Variants in MTA3 observed in about 807,000 individuals in gnomAD.
The protein encoded by MTA3 is metastasis associated 1 family member 3.
In MTA3, 34 loss-of-function variants were observed where a neutral mutation model predicts 83.5. That is an observed-to-expected ratio of 0.41 (90% CI 0.31 to 0.54). MTA3 has a LOEUF of 0.54. Ranked by LOEUF, MTA3 falls within the 20% of genes least tolerant of loss-of-function variation. The pLI is 0.33. For synonymous variants in MTA3, 303 were observed against 252.7 expected (o/e 1.20, Z -1.89); for missense variants, 761 against 726.4 (o/e 1.05, Z -0.55).
At chr2:42,519,962 C>T (rs985069406) in intron 2 of MTA3, among the ~76,000 whole-genome samples, 1 of 151,700 alleles carries the variant, frequency 6.6e-6, no homozygotes, top group African/African-American at 2.4e-5. Context: ...GGATGGCTTG[C>T]GCATAGGAGG....
chr2:42,734,209 C>T (rs756259126), intron 16 of MTA3, among the ~76,000 whole-genome samples: 3 of 152,034 alleles, frequency 2.0e-5, no homozygotes, highest in African/African-American at 4.8e-5. Context: ...TCTGGGTGCT[C>T]CAGTGCTTGG....
In MTA3 at chr2:42,755,977, A is replaced by G; in HGVS notation, c.*2578A>G. 1.0e-6 allele frequency: 1 copy of G among 985,524 alleles called. No homozygotes were observed. Among genetic ancestry groups the G allele is most frequent in the Non-Finnish European group, 1.2e-6 (1 of 829,992 alleles). 61.0% of individuals were successfully genotyped at this position (985,524 alleles called of 1,614,324 possible). On this transcript the variant is annotated 3_prime_UTR_variant, in exon 17 of 17. Coordinates refer to ENST00000405094, the MANE Select transcript of MTA3 (RefSeq NM_001330442.2). The stretch of plus-strand genomic sequence containing the variant: ...GGAAGGTTTCAGCCTGCCCTTCACA[A>G]TTCCCCTTGTGCACAGCCCAGTTTC...
At chr2:42,508,466 G>A (rs569345930) in intron 2 of MTA3, among the ~76,000 whole-genome samples, 1 of 152,024 alleles carries the variant, frequency 6.6e-6, no homozygotes, top group East Asian at 1.9e-4. Context: ...TGAGCATCTG[G>A]GACTACAGGC....
chr2:42,627,965 A>G (rs981039130), intron 4 of MTA3, among the ~76,000 whole-genome samples: 1 of 151,622 alleles, frequency 6.6e-6, no homozygotes, highest in Admixed American at 6.6e-5. Flanking sequence ...GCTTACTGCA[A>G]TCTCCGACTC....
chr2:42,688,304 C>T (rs1369563320), intron 9 of MTA3, among the ~76,000 whole-genome samples: 4 of 152,152 alleles, frequency 2.6e-5, no homozygotes, highest in Admixed American at 1.3e-4. Context: ...GGCTGGTCTC[C>T]AACTCCTGGG....
intron 4 of MTA3, among the ~76,000 whole-genome samples, chr2:42,616,700 T>G (rs1481771779): frequency 6.9e-6 from 1 of 145,308 alleles, no homozygotes; most frequent in Admixed American, 7.2e-5. Context: ...CACCTTAGCC[T>G]CCTGCATAGC....
rs540875500 is a variant in MTA3 at position 42,570,778 on chromosome 2, A to C, written c.96+274A>C. Among the ~76,000 whole-genome samples the C allele has an allele frequency of 3.9e-5, 6 of 152,164 alleles. No individual in the cohort carries two copies. In the East Asian group the frequency reaches 1.2e-3, roughly 29 times the overall value. ...GTAATCTCAGCACTCTGGGAGGCTG[A>C]GGCGGGCGGATCACCTGAGGTCGGG... On this transcript the variant is annotated intron_variant, in intron 2 of 16. Coordinates refer to ENST00000405094, the MANE Select transcript of MTA3 (RefSeq NM_001330442.2).
rs991873691 is a variant in MTA3, at chr2:42,662,314, C to G, written c.702+2452C>G. On this transcript the variant is annotated intron_variant, in intron 8 of 16. Transcript: ENST00000405094. ...ATGTGTGTGAGTTTTTAGGCTATAA[C>G]TAGAGTTATATTTATATATATAAAT... Among the ~76,000 whole-genome samples, 4 of 151,818 alleles carry G rather than the reference C, an allele frequency of 2.6e-5. No individual in the cohort carries two copies. In the East Asian group the frequency reaches 5.8e-4, roughly 22 times the overall value.
intron 16 of MTA3, among the ~76,000 whole-genome samples, chr2:42,747,927 C>T (rs138354895): frequency 1.2e-3 from 179 of 152,150 alleles, no homozygotes; most frequent in African/African-American, 4.0e-3. Flanking sequence ...TCTTGCACCC[C>T]ATTATAATCC....
intron 16 of MTA3, 123 bp from the exon 17 acceptor site, chr2:42,753,251 C>G: frequency 6.6e-7 from 1 of 1,505,886 alleles, no homozygotes; most frequent in Non-Finnish European, 8.9e-7. Flanking sequence ...TTTCTTTGAC[C>G]TACTGCTGAG....
At chr2:42,750,779 C>T (rs1483466018) in intron 16 of MTA3, among the ~76,000 whole-genome samples, 1 of 152,156 alleles carries the variant, frequency 6.6e-6, no homozygotes, top group Non-Finnish European at 1.5e-5. Context: ...GTCCCCTAGG[C>T]CTGAAACGGT....
chr2:42,494,428 C>T (rs1360881509), upstream of MTA3: 1 of 152,346 alleles, frequency 6.6e-6, no homozygotes. Context: ...GAGCCCAGCT[C>T]GGGTTCTGAC....
intron 2 of MTA3, among the ~76,000 whole-genome samples, chr2:42,507,049 C>A (rs893484301): frequency 6.6e-6 from 1 of 152,124 alleles, no homozygotes; most frequent in Non-Finnish European, 1.5e-5. Flanking sequence ...GAGTAGCATG[C>A]GTGATCACGC....
intron 11 of MTA3, 58 bp from the exon 12 acceptor site, chr2:42,704,136 G>C: frequency 6.5e-7 from 1 of 1,544,388 alleles, no homozygotes; most frequent in Non-Finnish European, 8.8e-7. Flanking sequence ...TAATGATATA[G>C]AGCTTTTTGC....
At chr2:42,658,377 C>G (rs1423262573) in intron 7 of MTA3, among the ~76,000 whole-genome samples, 1 of 152,114 alleles carries the variant, frequency 6.6e-6, no homozygotes, top group Non-Finnish European at 1.5e-5. Context: ...GGATTTATGG[C>G]ACTATTCATA....
At chr2:42,558,946 C>G (rs996993172) in intron 2 of MTA3, among the ~76,000 whole-genome samples, 1 of 151,994 alleles carries the variant, frequency 6.6e-6, no homozygotes, top group African/African-American at 2.4e-5. Context: ...AGTAGTTCCC[C>G]TGGAGCAGCT....
chr2:42,603,998 C>G (rs907463629), intron 3 of MTA3, among the ~76,000 whole-genome samples: 17 of 152,368 alleles, frequency 1.1e-4, no homozygotes, highest in African/African-American at 3.4e-4. Flanking sequence ...ATCCGCCTGC[C>G]TCGGTCTCCC....
chr2:42,618,257 CT>C (rs1323252800), intron 4 of MTA3, among the ~76,000 whole-genome samples: 1 of 152,070 alleles, frequency 6.6e-6, no homozygotes, highest in Non-Finnish European at 1.5e-5. Context: ...TTAATCTTCC[CT>C]TTCCTAGTAG....
intron 6 of MTA3, among the ~76,000 whole-genome samples, chr2:42,655,298 T>G (rs944941165): frequency 1.3e-5 from 2 of 152,362 alleles, no homozygotes; most frequent in South Asian, 2.1e-4. Context: ...CTTAGCTATC[T>G]TCTCTCATTC....
Sources: gnomAD v4.1 joint callset for allele counts (sites outside exome capture counted in the v4.1 genomes callset) on GRCh38, gnomAD v4.1.1 for gene constraint, MANE v1.5 for transcripts, NCBI Gene and HGNC (gene_info 2026-07-23, HGNC 2026-07-21) for gene names.